Variants in CCP110 observed in about 807,000 individuals in gnomAD.
The protein encoded by CCP110 is centriolar coiled-coil protein of 110 kDa.
CCP110 carries 43 observed loss-of-function variants against 105.5 expected under a neutral mutation model. That is an observed-to-expected ratio of 0.41 (90% CI 0.32 to 0.53). The LOEUF is 0.53. Among genes scored for constraint, CCP110 ranks in the 20% least tolerant of loss-of-function variants. The pLI is 0.32. For missense variants in CCP110, 1,016 were observed against 1,189.1 expected, an observed-to-expected ratio of 0.85 and a Z score of 2.14; for synonymous variants, 353 against 392.1, an observed-to-expected ratio of 0.90 and a Z score of 1.18.
At chr16:19,544,884 A>C in exon 9 of CCP110, 1 of 1,578,706 alleles carries the variant, frequency 6.3e-7, no homozygotes, top group Non-Finnish European at 8.7e-7. Flanking sequence ...ACTTCAGGAA[A>C]GAGTGTTAGC....
At chr16:19,537,368 C>T (rs1287891572) in exon 4 of CCP110, 2 of 1,609,268 alleles carry the variant, frequency 1.2e-6, no homozygotes, top group African/African-American at 2.7e-5. Context: ...GATGGACACA[C>T]CTATGGTGTC....
At chr16:19,544,945 T>G (rs1970412005) in intron 9 of CCP110, 47 bp downstream of exon 9, 1 of 1,068,772 alleles carries the variant, frequency 9.4e-7, no homozygotes. Flanking sequence ...ACATATTATA[T>G]TTCTCCTTTT....
exon 15 of CCP110, chr16:19,551,326 A>G: frequency 8.7e-7 from 1 of 1,144,014 alleles, no homozygotes; most frequent in Admixed American, 1.7e-5. Context: ...ACTTTATTTA[A>G]CCCTGGACTC....
chr16:19,533,360 G>A (rs1969941146), intron 3 of CCP110, among the ~76,000 whole-genome samples: 1 of 152,022 alleles, frequency 6.6e-6, no homozygotes, highest in South Asian at 2.1e-4. Context: ...GATGTGCCAA[G>A]GAAAAAGAGA....
rs1229087523 is a variant in CCP110 at position 19,545,669 on chromosome 16, C to T, written c.2704-148C>T. 5.1e-6 allele frequency: 3 copies of T among 587,604 alleles called. No homozygotes were observed. The African/African-American group carries it at 5.8e-5, about 11-fold the overall frequency. The allele number at this position is 587,604 out of a possible 1,614,324, so 36.4% of individuals were successfully genotyped here. ...TTATTTAATTCTTAGAATTAGACTG[C>T]TTCAAAAATACAAAACAAGATGATT... On this transcript the variant is annotated intron_variant, in intron 10 of 14. Transcript: ENST00000381396.
intron 4 of CCP110, among the ~76,000 whole-genome samples, chr16:19,539,372 T>A (rs1421500811): frequency 1.2e-5 from 1 of 80,666 alleles, no homozygotes; most frequent in Admixed American, 1.5e-4. Context: ...TTTTTTTAAT[T>A]TTTTTTTTTT....
chr16:19,537,053 T>G (rs1970093014), exon 4 of CCP110: 1 of 1,614,230 alleles, frequency 6.2e-7, no homozygotes, highest in Non-Finnish European at 8.5e-7. Flanking sequence ...AAATCAGGTA[T>G]GTCAATCTTC....
At chr16:19,535,244 C>T (rs185285565) in intron 3 of CCP110, among the ~76,000 whole-genome samples, 5 of 152,044 alleles carry the variant, frequency 3.3e-5, no homozygotes, top group Admixed American at 2.6e-4. Flanking sequence ...GTTTAATATA[C>T]GGATGTATAA....
chr16:19,543,112 G>A, intron 8 of CCP110, 118 bp downstream of exon 8: 1 of 638,516 alleles, frequency 1.6e-6, no homozygotes, highest in Non-Finnish European at 2.8e-6. Flanking sequence ...TGTAATCTAG[G>A]CAGTTTTAGA....
intron 2 of CCP110, among the ~76,000 whole-genome samples, chr16:19,530,632 G>A (rs1221016567): frequency 9.9e-5 from 15 of 151,088 alleles, no homozygotes; most frequent in Admixed American, 3.3e-4. Context: ...GTAGTGAGCC[G>A]AGATCGAGCC....
chr16:19,529,419 C>T (rs1969786754), intron 2 of CCP110, among the ~76,000 whole-genome samples: 1 of 152,206 alleles, frequency 6.6e-6, no homozygotes, highest in East Asian at 1.9e-4. Flanking sequence ...GAGCTAACTG[C>T]CAACTTTTTG....
chr16:19,536,502 G>T, exon 4 of CCP110: 13 of 1,614,036 alleles, frequency 8.1e-6, no homozygotes, highest in Non-Finnish European at 1.1e-5. Context: ...AAAGAGAAAG[G>T]CCAGTTGACA....
chr16:19,538,786 A>G (rs777860904), intron 4 of CCP110, among the ~76,000 whole-genome samples: 48 of 152,248 alleles, frequency 3.2e-4, no homozygotes, highest in Admixed American at 2.6e-4. Flanking sequence ...TAGACAAAGT[A>G]TCAGAAATAA....
At position 19,548,416 on chromosome 16, in the gene CCP110, T is replaced by G; in HGVS notation, c.2901-99T>G. 1 of 754,786 alleles carries G rather than the reference T, an allele frequency of 1.3e-6. No individual in the cohort carries two copies. Among genetic ancestry groups the G allele is most frequent in the Non-Finnish European group, 2.1e-6 (1 of 466,824 alleles). 46.8% of individuals were successfully genotyped at this position (754,786 alleles called of 1,614,324 possible). A position where few individuals can be genotyped will look rare whatever the true frequency, so the allele number is the denominator to read the frequency against. ...GACTTCAGTTCTTTTCAAGCTTATT[T>G]GTGCTTTGGACAGTTGATGCAATGT... is the stretch of plus-strand genomic sequence containing the variant. On this transcript the variant is annotated intron_variant, in intron 13 of 14. Coordinates refer to ENST00000381396, the Ensembl canonical transcript of CCP110. This position sits in a 1 kb window ranked among gnomAD's most constrained non-coding sequence, Gnocchi z 4.1.
chr16:19,532,284 A>G (rs1969896798), intron 2 of CCP110, 132 bp from the exon 3 acceptor site: 2 of 666,870 alleles, frequency 3.0e-6, no homozygotes, highest in South Asian at 3.9e-5. Flanking sequence ...TACCCAGACC[A>G]TTGTTCTGAT....
intron 8 of CCP110, 70 bp from the exon 9 acceptor site, chr16:19,544,720 GAAAAAGA>G: frequency 1.3e-6 from 1 of 780,216 alleles, no homozygotes; most frequent in South Asian, 1.6e-5. Flanking sequence ...GATTGACTGA[GAAAAAGA>G]AAAAAGCAAA....
At chr16:19,533,876 T>C (rs529568220) in intron 3 of CCP110, among the ~76,000 whole-genome samples, 8 of 152,334 alleles carry the variant, frequency 5.3e-5, no homozygotes, top group African/African-American at 1.9e-4. Context: ...AGGCAGTTTT[T>C]GTGTGACTCA....
intron 1 of CCP110, among the ~76,000 whole-genome samples, chr16:19,527,451 CT>C (rs999927169): frequency 6.6e-6 from 1 of 151,350 alleles, no homozygotes; most frequent in African/African-American, 2.4e-5. Flanking sequence ...TTTAAGTAGG[CT>C]TTTTTACTAC....
exon 9 of CCP110, chr16:19,544,894 C>A: frequency 6.5e-7 from 1 of 1,536,476 alleles, no homozygotes; most frequent in Non-Finnish European, 9.0e-7. Flanking sequence ...AGAGTGTTAG[C>A]TCAGGTAAAT....
Sources: allele counts gnomAD v4.1 joint callset (sites outside exome capture counted in the v4.1 genomes callset), GRCh38; gene constraint gnomAD v4.1.1; non-coding constraint Gnocchi (gnomAD v3.1); transcripts MANE v1.5; gene names NCBI Gene and HGNC (gene_info 2026-07-23, HGNC 2026-07-21).